Variants in ADAMTSL1 observed in about 807,000 individuals in gnomAD.
ADAMTSL1 encodes ADAMTS-like protein 1.
A neutral mutation model predicts 201.8 loss-of-function variants in ADAMTSL1; 126 were observed. The ratio of observed to expected loss-of-function variants is 0.62; its 90% confidence interval spans 0.54 to 0.72. The LOEUF is 0.72. ADAMTSL1 is among the 30% of genes least tolerant of loss of function. The probability of loss-of-function intolerance (pLI) is 0.00; values close to 1 mark genes in which losing one functional copy is unlikely to be tolerated. For missense variants in ADAMTSL1, 2,679 were observed against 2,277.8 expected (o/e 1.18, Z -3.59); for synonymous variants, 1,121 against 903.4 (o/e 1.24, Z -4.32).
At chr9:18,907,489 T>C (rs1830383585) in intron 28 of ADAMTSL1, 1 of 152,462 alleles carries the variant, frequency 6.6e-6, no homozygotes, top group South Asian at 2.1e-4. Context: ...GTATTCCAGT[T>C]GGGAAGGAGT....
chr9:17,993,043 G>T (rs535391965), intron 1 of ADAMTSL1, among the ~76,000 whole-genome samples: 14 of 152,262 alleles, frequency 9.2e-5, no homozygotes, highest in African/African-American at 3.1e-4. Flanking sequence ...ATAAATAAGA[G>T]AATCTATCCC....
At chr9:18,805,509 T>TA (rs757468515) in intron 20 of ADAMTSL1, among the ~76,000 whole-genome samples, 13 of 152,378 alleles carry the variant, frequency 8.5e-5, no homozygotes, top group Admixed American at 2.6e-4. Flanking sequence ...CCTGCTGTGC[T>TA]AAGCCGTTGT....
intron 4 of ADAMTSL1, among the ~76,000 whole-genome samples, chr9:18,620,732 G>A (rs1825985031): frequency 6.6e-6 from 1 of 152,130 alleles, no homozygotes; most frequent in Non-Finnish European, 1.5e-5. Context: ...TGAACCCATA[G>A]GGATAGAGCC....
At chr9:18,625,156 G>A (rs1162301203) in intron 5 of ADAMTSL1, among the ~76,000 whole-genome samples, 1 of 152,182 alleles carries the variant, frequency 6.6e-6, no homozygotes, top group Admixed American at 6.5e-5. Flanking sequence ...AGTCCTGCCA[G>A]ATCTCTCCCC....
chr9:18,593,941 G>C (rs1021601207), intron 4 of ADAMTSL1, among the ~76,000 whole-genome samples: 1 of 152,094 alleles, frequency 6.6e-6, no homozygotes, highest in Non-Finnish European at 1.5e-5. Flanking sequence ...CTTTAGTACA[G>C]ATTAAGTCCA....
intron 1 of ADAMTSL1, among the ~76,000 whole-genome samples, chr9:18,498,455 G>A (rs1822648534): frequency 6.6e-6 from 1 of 151,136 alleles, no homozygotes; most frequent in South Asian, 2.1e-4. Flanking sequence ...TTGTGTCCCA[G>A]CCTCCCAAGT....
chr9:18,340,195 A>C (rs952428294), intron 2 of ADAMTSL1, among the ~76,000 whole-genome samples: 3 of 152,048 alleles, frequency 2.0e-5, no homozygotes, highest in Non-Finnish European at 4.4e-5. Context: ...GTTTCTTTCT[A>C]TCTTGTTGGC....
chr9:18,850,436 A>C (rs1342354273), intron 23 of ADAMTSL1, among the ~76,000 whole-genome samples: 3 of 152,222 alleles, frequency 2.0e-5, no homozygotes, highest in Non-Finnish European at 1.5e-5. Context: ...GCAGTTTTAC[A>C]GCACTATCAG....
chr9:17,908,268 A>G (rs966548371), intron 1 of ADAMTSL1, among the ~76,000 whole-genome samples: 1 of 152,214 alleles, frequency 6.6e-6, no homozygotes, highest in Non-Finnish European at 1.5e-5. Flanking sequence ...CTTCCCAGCC[A>G]TGGCTGCACA....
At chr9:18,229,835 A>G (rs137863259) in intron 2 of ADAMTSL1, among the ~76,000 whole-genome samples, 109 of 152,094 alleles carry the variant, frequency 7.2e-4, no homozygotes, top group East Asian at 2.1e-3. Flanking sequence ...AGCTGGGATT[A>G]CAGGTGTCCA....
At chr9:18,094,145 G>C (rs1388717420) in intron 1 of ADAMTSL1, among the ~76,000 whole-genome samples, 1 of 152,044 alleles carries the variant, frequency 6.6e-6, no homozygotes, top group East Asian at 1.9e-4. Context: ...TACCATTATT[G>C]GTTGCCTGTT....
At chr9:18,291,741 T>TCA (rs1279255692) in intron 2 of ADAMTSL1, among the ~76,000 whole-genome samples, 2 of 124,202 alleles carry the variant, frequency 1.6e-5, no homozygotes, top group Admixed American at 1.8e-4. Context: ...TCTCTCTCTC[T>TCA]CTCTCTCACA....
intron 1 of ADAMTSL1, among the ~76,000 whole-genome samples, chr9:18,141,479 A>C (rs1826396270): frequency 6.6e-6 from 1 of 152,134 alleles, no homozygotes; most frequent in Non-Finnish European, 1.5e-5. Context: ...CAGTTGAAAC[A>C]AACACAAGGC....
intron 4 of ADAMTSL1, among the ~76,000 whole-genome samples, chr9:18,578,476 C>G (rs1822881411): frequency 6.6e-6 from 1 of 151,990 alleles, no homozygotes; most frequent in African/African-American, 2.4e-5. Context: ...GGCAATTTGT[C>G]ATTGTATGAA....
intron 2 of ADAMTSL1, among the ~76,000 whole-genome samples, chr9:18,371,317 G>A (rs1209216682): frequency 6.6e-6 from 1 of 152,110 alleles, no homozygotes; most frequent in Non-Finnish European, 1.5e-5. Context: ...AATACATTCT[G>A]ATAAAACACC....
intron 4 of ADAMTSL1, among the ~76,000 whole-genome samples, chr9:18,600,522 A>G (rs1328581878): frequency 6.6e-6 from 1 of 152,144 alleles, no homozygotes; most frequent in Admixed American, 6.5e-5. Context: ...CTGAGAATCT[A>G]TGACTGGATA....
intron 2 of ADAMTSL1, among the ~76,000 whole-genome samples, chr9:18,284,404 A>T (rs920094516): frequency 1.3e-5 from 2 of 152,138 alleles, no homozygotes; most frequent in Non-Finnish European, 2.9e-5. Context: ...TACCATTAGA[A>T]CTTTCCATCT....
At position 18,308,515 on chromosome 9, in the gene ADAMTSL1, G is replaced by A. The variant is rs774012273; in HGVS notation, c.207+144534G>A. On this transcript the variant is annotated intron_variant, in intron 2 of 29. Coordinates refer to the ADAMTSL1 transcript ENST00000680146. ...AAATGATAAAGAGGATATCACCACC[G>A]ATCACACAGAAATACAAACTACCAT... Among the ~76,000 whole-genome samples, 9 of 152,120 alleles carry A rather than the reference G, an allele frequency of 5.9e-5. No homozygotes were observed. In the South Asian group the frequency reaches 6.3e-4, roughly 11 times the overall value.
intron 2 of ADAMTSL1, among the ~76,000 whole-genome samples, chr9:18,182,718 T>G (rs1039965516): frequency 1.3e-5 from 2 of 152,200 alleles, no homozygotes. Context: ...ACATTTCAGA[T>G]CATATCAGAA....
Sources: gnomAD v4.1 joint callset for allele counts (sites outside exome capture counted in the v4.1 genomes callset) on GRCh38, gnomAD v4.1.1 for gene constraint, MANE v1.5 for transcripts, NCBI Gene and HGNC (gene_info 2026-07-23, HGNC 2026-07-21) for gene names.